TAMM41: variants seen among roughly 807,000 people sequenced by gnomAD.
The protein encoded by TAMM41 is TAM41 mitochondrial translocator assembly and maintenance homolog.
TAMM41 carries 36 observed loss-of-function variants against 44.1 expected under a neutral mutation model. The observed-to-expected ratio is 0.82, with a 90% confidence interval of 0.63 to 1.08. The LOEUF is 1.08. Among genes scored for constraint, TAMM41 ranks in the 50% least tolerant of loss-of-function variants. TAMM41 has a pLI of 0.00. For missense variants in TAMM41, 417 were observed against 404.3 expected (o/e 1.03, Z -0.27); for synonymous variants, 164 against 153.1 (o/e 1.07, Z -0.53).
chr3:11,842,926 G>A (rs1029328669), intron 2 of TAMM41, among the ~76,000 whole-genome samples: 35 of 152,276 alleles, frequency 2.3e-4, no homozygotes, highest in African/African-American at 8.4e-4. Context: ...TTGCAGGCTG[G>A]GGTTCTGCCT....
intron 4 of TAMM41, among the ~76,000 whole-genome samples, chr3:11,818,897 CAA>C (rs11419189): frequency 4.1e-4 from 40 of 97,032 alleles, no homozygotes; most frequent in Non-Finnish European, 3.4e-4. Context: ...GACTCCATCT[CAA>C]AAAAAAAAAA....
chr3:11,735,300 G>T, the TAMM41 span, among the ~76,000 whole-genome samples: 11,893 of 152,212 alleles, frequency 0.078, 689 homozygotes, highest in East Asian at 0.19. Context: ...TGAGGCTGCA[G>T]TGAGTTACGA....
chr3:11,801,386 T>C (rs7631918), intron 7 of TAMM41, among the ~76,000 whole-genome samples: 86,140 of 151,478 alleles, frequency 0.57, 26,493 homozygotes, highest in African/African-American at 0.79. Flanking sequence ...GGCTGTGGTG[T>C]AATCATGGCT....
chr3:11,835,776 GTC>G lies in TAMM41; in HGVS notation c.411+3444_411+3445del, dbSNP rs564394836. Among the ~76,000 whole-genome samples, 25 of 152,298 alleles carry G rather than the reference GTC, an allele frequency of 1.6e-4. No individual in the cohort carries two copies. In the East Asian group the frequency reaches 4.8e-3, roughly 29 times the overall value. ...AGAAGGCAAAGACCATTTTCTGAGTGTCTACTAAGTACCAGGCATTTCAGAAC... is the reference window on the plus strand; with the variant it reads ...AGAAGGCAAAGACCATTTTCTGAGTGTACTAAGTACCAGGCATTTCAGAAC... On this transcript the variant is annotated intron_variant, in intron 3 of 7. Transcript: ENST00000455809.
chr3:11,844,420 T>C (rs2079582816), intron 1 of TAMM41, among the ~76,000 whole-genome samples: 1 of 152,234 alleles, frequency 6.6e-6, no homozygotes, highest in Non-Finnish European at 1.5e-5. Flanking sequence ...ACATGTATTG[T>C]TGTGCCAGCA....
chr3:11,757,937 C>T, the TAMM41 span, among the ~76,000 whole-genome samples: 1 of 152,142 alleles, frequency 6.6e-6, no homozygotes, highest in African/African-American at 2.4e-5. Flanking sequence ...TAGGGGGACA[C>T]TGAAGAAACC....
At chr3:11,795,200 C>G (rs1328382625) in intron 7 of TAMM41, among the ~76,000 whole-genome samples, 2 of 152,120 alleles carry the variant, frequency 1.3e-5, no homozygotes, top group African/African-American at 4.8e-5. Context: ...TCTTTTGAAG[C>G]TAGAGAGGTA....
intron 3 of TAMM41, 58 bp from the exon 4 acceptor site, chr3:11,829,922 T>C: frequency 4.5e-6 from 7 of 1,550,196 alleles, no homozygotes; most frequent in Non-Finnish European, 6.2e-6. Flanking sequence ...TGCTCAAGCA[T>C]GGGTTACAAA....
At chr3:11,789,694 A>G (rs2077440866), downstream of TAMM41, among the ~76,000 whole-genome samples, 1 of 152,154 alleles carries the variant, frequency 6.6e-6, no homozygotes, top group African/African-American at 2.4e-5. Flanking sequence ...GAGGCTTGCT[A>G]GGGGCTGTTG....
the TAMM41 span, among the ~76,000 whole-genome samples, chr3:11,744,261 T>G: frequency 6.6e-6 from 1 of 151,984 alleles, no homozygotes. Context: ...AGAGATGGGA[T>G]TTCCCCATGT....
At chr3:11,734,031 C>T in the TAMM41 span, among the ~76,000 whole-genome samples, 1 of 152,180 alleles carries the variant, frequency 6.6e-6, no homozygotes, top group Admixed American at 6.5e-5. Flanking sequence ...GCACACAACA[C>T]TTTATATTCC....
intron 4 of TAMM41, among the ~76,000 whole-genome samples, chr3:11,819,735 A>AT (rs576927631): frequency 4.7e-4 from 71 of 150,680 alleles, no homozygotes; most frequent in Middle Eastern, 3.4e-3. Context: ...TCTCTATGTA[A>AT]TTTTTTTTTT....
At chr3:11,765,698 T>C in the TAMM41 span, among the ~76,000 whole-genome samples, 1 of 133,104 alleles carries the variant, frequency 7.5e-6, no homozygotes, top group Non-Finnish European at 1.6e-5. Context: ...CCTTCTGGAG[T>C]CAAAATTTTT....
the TAMM41 span, among the ~76,000 whole-genome samples, chr3:11,751,952 C>T: frequency 1.3e-5 from 2 of 152,120 alleles, no homozygotes; most frequent in Non-Finnish European, 2.9e-5. Context: ...AACTAGGAAC[C>T]ACTAGGCTTC....
the TAMM41 span, among the ~76,000 whole-genome samples, chr3:11,723,649 A>G: frequency 3.9e-5 from 6 of 152,116 alleles, no homozygotes; most frequent in Non-Finnish European, 7.4e-5. Flanking sequence ...GAATGTACTT[A>G]ATGCCATACT....
At chr3:11,725,375 CTCT>C in the TAMM41 span, among the ~76,000 whole-genome samples, 5 of 136,606 alleles carry the variant, frequency 3.7e-5, no homozygotes, top group Admixed American at 7.5e-5. Context: ...TCTCCTCCTC[CTCT>C]TCCTCCTCCT....
intron 5 of TAMM41, among the ~76,000 whole-genome samples, chr3:11,811,719 T>C (rs142714311): frequency 1.6e-4 from 24 of 152,308 alleles, no homozygotes; most frequent in African/African-American, 5.5e-4. Context: ...TATGATTCCA[T>C]GCATATGAAC....
At chr3:11,792,833 G>A (rs921712841) in intron 7 of TAMM41, among the ~76,000 whole-genome samples, 6 of 152,194 alleles carry the variant, frequency 3.9e-5, no homozygotes, top group African/African-American at 9.6e-5. Context: ...AGGCCGAGGC[G>A]GGCAGACCAT....
intron 4 of TAMM41, among the ~76,000 whole-genome samples, chr3:11,819,745 T>A (rs993773450): frequency 3.3e-5 from 5 of 151,868 alleles, no homozygotes; most frequent in Non-Finnish European, 7.4e-5. Flanking sequence ...ATTTTTTTTT[T>A]AAGCATACCA....
Sources: allele counts gnomAD v4.1 joint callset (sites outside exome capture counted in the v4.1 genomes callset), GRCh38; gene constraint gnomAD v4.1.1; transcripts MANE v1.5; gene names NCBI Gene and HGNC (gene_info 2026-07-23, HGNC 2026-07-21).